Variants in RBMS3 observed in about 807,000 individuals in gnomAD.
RBMS3 encodes the protein RNA binding motif single stranded interacting protein 3, also known as RNA-binding motif, single-stranded-interacting protein 3.
RBMS3 carries 27 observed loss-of-function variants against 66.8 expected under a neutral mutation model. The observed-to-expected ratio is 0.40, with a 90% CI of 0.30 to 0.56. RBMS3 has a LOEUF of 0.56. RBMS3 is among the 20% of genes least tolerant of loss of function. The pLI, the probability that RBMS3 is intolerant of heterozygous loss-of-function variation, is 0.40. For missense variants in RBMS3, 513 were observed against 549.5 expected (o/e 0.93, Z 0.66); for synonymous variants, 188 against 183.0 (o/e 1.03, Z -0.22).
chr3:29,753,362 T>G (rs1346750291), intron 5 of RBMS3, among the ~76,000 whole-genome samples: 1 of 152,126 alleles, frequency 6.6e-6, no homozygotes, highest in African/African-American at 2.4e-5. Flanking sequence ...CTGCATACAT[T>G]CCCTCAAGAC....
chr3:29,336,765 T>TA (rs1194351288), intron 1 of RBMS3, among the ~76,000 whole-genome samples: 20 of 152,278 alleles, frequency 1.3e-4, no homozygotes, highest in Admixed American at 4.6e-4. Flanking sequence ...TTGTCAAAGG[T>TA]AAATTGGTTA....
chr3:29,550,702 T>A (rs1040191312), intron 3 of RBMS3, among the ~76,000 whole-genome samples: 6 of 152,148 alleles, frequency 3.9e-5, no homozygotes, highest in African/African-American at 1.4e-4. Context: ...ACACAAAATT[T>A]TTTTGGTGTT....
chr3:29,642,453 C>T (rs938347361), intron 4 of RBMS3, among the ~76,000 whole-genome samples: 1 of 151,926 alleles, frequency 6.6e-6, no homozygotes, highest in Non-Finnish European at 1.5e-5. Flanking sequence ...TTATATTTGC[C>T]ATATAAAAAT....
chr3:29,942,371 T>C (rs1439386616), intron 11 of RBMS3, among the ~76,000 whole-genome samples: 1 of 151,366 alleles, frequency 6.6e-6, no homozygotes, highest in Admixed American at 6.6e-5. Context: ...AAATTGAAAA[T>C]TAGCTAGGCA....
intron 1 of RBMS3, among the ~76,000 whole-genome samples, chr3:29,292,088 A>C (rs942807692): frequency 6.6e-6 from 1 of 151,612 alleles, no homozygotes; most frequent in Non-Finnish European, 1.5e-5. Flanking sequence ...TAATCACCCT[A>C]TGTTTTGATT....
chr3:29,647,114 A>G (rs957200291), intron 4 of RBMS3, among the ~76,000 whole-genome samples: 1 of 152,062 alleles, frequency 6.6e-6, no homozygotes, highest in Non-Finnish European at 1.5e-5. Context: ...AGTAGCTGGG[A>G]CTACAGGCGC....
Position 29,868,936 on chromosome 3 carries a change from A to G in RBMS3, c.716A>G (p.Asn239Ser), listed in dbSNP as rs1206515984. The G allele has an allele frequency of 6.2e-6, 10 of 1,601,132 alleles. No homozygotes were observed. In the African/African-American group the frequency reaches 1.3e-4, roughly 21 times the overall value. Residue 239 changes from asparagine (N) to serine (S), a missense_variant, in exon 7 of 15, where the codon AAT becomes AGT. By Grantham distance (46) the Asn-to-Ser change is conservative. Transcript: ENST00000383767. ...KRQNQSKYTQNGRPWPREGEA... is the reference protein window; with the variant it reads ...KRQNQSKYTQSGRPWPREGEA... ...CAGAATCAAAGCAAATATACCCAGA[A>G]TGGGAGGCCTTGGCCCAGGGAAGGA...
intron 2 of RBMS3, among the ~76,000 whole-genome samples, chr3:29,480,207 G>A (rs2043082994): frequency 6.6e-6 from 1 of 152,200 alleles, no homozygotes; most frequent in South Asian, 2.1e-4. Context: ...TTGTAATACA[G>A]TTGTTCTTAA....
At chr3:29,935,146 TA>T (rs1302728364) in intron 10 of RBMS3, among the ~76,000 whole-genome samples, 1 of 152,088 alleles carries the variant, frequency 6.6e-6, no homozygotes, top group Non-Finnish European at 1.5e-5. Flanking sequence ...TCAAGCTTTT[TA>T]AGTTTGTTTT....
chr3:29,932,331 C>T (rs993159465), intron 10 of RBMS3, among the ~76,000 whole-genome samples: 9 of 152,094 alleles, frequency 5.9e-5, no homozygotes, highest in Non-Finnish European at 1.0e-4. Context: ...TGAGAAACAG[C>T]GTACATAAAA....
In RBMS3 at chr3:29,965,554, G is replaced by A. The variant is rs564380137; in HGVS notation, c.1098+21300G>A. 2.8e-4 allele frequency among the ~76,000 whole-genome samples: 42 copies of A among 151,866 alleles called. No individual in the cohort carries two copies. The South Asian group carries it at 8.7e-3, about 32-fold the overall frequency. ...TTGAGAATTGTCTATTCACGTCCTT[G>A]GCCCACTTTTTGATGGGATTGTTTG... On this transcript the variant is annotated intron_variant, in intron 12 of 14. Coordinates refer to ENST00000383767, the MANE Select transcript of RBMS3 (RefSeq NM_001003793.3).
At chr3:29,311,407 A>G (rs2034367579) in intron 1 of RBMS3, among the ~76,000 whole-genome samples, 1 of 151,706 alleles carries the variant, frequency 6.6e-6, no homozygotes, top group African/African-American at 2.4e-5. Flanking sequence ...TAGAACAGAA[A>G]ATTGGTCTGA....
At chr3:29,865,958 C>T (rs1044911907) in intron 6 of RBMS3, among the ~76,000 whole-genome samples, 1 of 151,340 alleles carries the variant, frequency 6.6e-6, no homozygotes, top group African/African-American at 2.4e-5. Flanking sequence ...TCACTTCCTT[C>T]ACTGGTAAAA....
chr3:29,654,193 A>G (rs2050241415), intron 4 of RBMS3, among the ~76,000 whole-genome samples: 1 of 152,212 alleles, frequency 6.6e-6, no homozygotes, highest in African/African-American at 2.4e-5. Context: ...AACACTCTGC[A>G]TGTAATTCCT....
chr3:29,369,717 A>G (rs1297128477), intron 1 of RBMS3, among the ~76,000 whole-genome samples: 2 of 152,128 alleles, frequency 1.3e-5, no homozygotes, highest in Non-Finnish European at 2.9e-5. Flanking sequence ...AGAGACAGAA[A>G]ATATGGGGAA....
At chr3:29,857,462 A>T (rs2059108514) in intron 6 of RBMS3, among the ~76,000 whole-genome samples, 1 of 143,856 alleles carries the variant, frequency 7.0e-6, no homozygotes, top group Non-Finnish European at 1.5e-5. Flanking sequence ...TGGGATTATG[A>T]CTTGGAATTC....
intron 6 of RBMS3, among the ~76,000 whole-genome samples, chr3:29,854,940 A>G (rs2059033618): frequency 6.6e-6 from 1 of 152,180 alleles, no homozygotes; most frequent in Non-Finnish European, 1.5e-5. Context: ...TCTATGCTGG[A>G]AATAAAATGA....
At chr3:29,679,390 G>T (rs1391923959) in intron 4 of RBMS3, among the ~76,000 whole-genome samples, 3 of 151,806 alleles carry the variant, frequency 2.0e-5, no homozygotes. Context: ...AGTCACTTTT[G>T]CCATACAATA....
At chr3:29,589,300 T>C (rs1343176309) in intron 4 of RBMS3, among the ~76,000 whole-genome samples, 1 of 152,072 alleles carries the variant, frequency 6.6e-6, no homozygotes, top group Non-Finnish European at 1.5e-5. Context: ...CAGAAGGCTA[T>C]TTGATTTGGG....
Sources: allele counts gnomAD v4.1 joint callset (sites outside exome capture counted in the v4.1 genomes callset), GRCh38; gene constraint gnomAD v4.1.1; transcripts MANE v1.5; gene names NCBI Gene and HGNC (gene_info 2026-07-23, HGNC 2026-07-21).